Variants in CAMTA1 observed in about 807,000 individuals in gnomAD.
The protein encoded by CAMTA1 is calmodulin-binding transcription activator 1.
Under a neutral mutation model 170.9 loss-of-function variants are expected in CAMTA1, and 27 were observed. That is an observed-to-expected ratio of 0.16 (90% CI 0.12 to 0.22). The LOEUF is 0.22. CAMTA1 is among the 10% of genes least tolerant of loss of function. The probability of loss-of-function intolerance (pLI) is 1.00; values close to 1 mark genes in which losing one functional copy is unlikely to be tolerated. For synonymous variants in CAMTA1, 833 were observed against 891.5 expected (o/e 0.93, Z 1.17); for missense variants, 1,619 against 2,217.2 (o/e 0.73, Z 5.42).
chr1:6,995,873 A>C (rs908037663), intron 3 of CAMTA1, among the ~76,000 whole-genome samples: 37 of 152,324 alleles, frequency 2.4e-4, no homozygotes, highest in African/African-American at 8.7e-4. Context: ...GACAGGCATA[A>C]GACTGGCTAG....
chr1:7,169,744 G>A (rs1183990266), intron 4 of CAMTA1, among the ~76,000 whole-genome samples: 1 of 152,150 alleles, frequency 6.6e-6, no homozygotes, highest in Non-Finnish European at 1.5e-5. Flanking sequence ...ACTCCTGACT[G>A]GACTTGAGCT....
intron 6 of CAMTA1, among the ~76,000 whole-genome samples, chr1:7,528,951 C>T (rs2094460993): frequency 1.3e-5 from 2 of 152,042 alleles, no homozygotes; most frequent in Admixed American, 1.3e-4. Flanking sequence ...AACTCCTGCA[C>T]AGGGTTGGTG....
intron 3 of CAMTA1, among the ~76,000 whole-genome samples, chr1:7,009,755 A>G (rs1345337326): frequency 6.6e-6 from 1 of 152,170 alleles, no homozygotes; most frequent in Admixed American, 6.5e-5. Flanking sequence ...GTCCGTGCAG[A>G]GCCTCTAAGG....
intron 4 of CAMTA1, among the ~76,000 whole-genome samples, chr1:7,217,985 A>G (rs1660056184): frequency 6.6e-6 from 1 of 152,222 alleles, no homozygotes; most frequent in Admixed American, 6.5e-5. Context: ...TTAATTTTCT[A>G]GAAGATTCCT....
chr1:7,485,716 G>A (rs574855501), intron 6 of CAMTA1, among the ~76,000 whole-genome samples: 1 of 152,338 alleles, frequency 6.6e-6, no homozygotes, highest in East Asian at 1.9e-4. Flanking sequence ...CCGGCCCAGT[G>A]CCTTGCTTTG....
chr1:7,006,747 C>A (rs1297681222), intron 3 of CAMTA1, among the ~76,000 whole-genome samples: 2 of 152,180 alleles, frequency 1.3e-5, no homozygotes, highest in Non-Finnish European at 2.9e-5. Context: ...AACCCAGAGC[C>A]TCTGAGGGCT....
intron 6 of CAMTA1, among the ~76,000 whole-genome samples, chr1:7,516,983 C>G (rs1227296775): frequency 6.6e-6 from 1 of 152,090 alleles, no homozygotes; most frequent in Non-Finnish European, 1.5e-5. Flanking sequence ...CGTGTGAAAT[C>G]CCACCTTCCA....
intron 5 of CAMTA1, among the ~76,000 whole-genome samples, chr1:7,287,400 C>T (rs1400994377): frequency 6.6e-6 from 1 of 152,236 alleles, no homozygotes; most frequent in Non-Finnish European, 1.5e-5. Flanking sequence ...CTCTGAGCAT[C>T]ACATTCTCAT....
At chr1:7,419,066 A>G (rs2091389806) in intron 5 of CAMTA1, among the ~76,000 whole-genome samples, 1 of 152,122 alleles carries the variant, frequency 6.6e-6, no homozygotes, top group African/African-American at 2.4e-5. Context: ...TCCACCTTCC[A>G]TCCCATGTTG....
At chr1:7,709,727 G>C (rs2096554687) in intron 11 of CAMTA1, among the ~76,000 whole-genome samples, 1 of 152,232 alleles carries the variant, frequency 6.6e-6, no homozygotes, top group Middle Eastern at 3.4e-3. Context: ...GGGTGTTTCA[G>C]CTCTACCATT....
chr1:7,714,323 A>G (rs902701186), intron 11 of CAMTA1, among the ~76,000 whole-genome samples: 2 of 152,336 alleles, frequency 1.3e-5, no homozygotes, highest in Non-Finnish European at 2.9e-5. Context: ...AGAAATCAGC[A>G]TGTATTCCTC....
In CAMTA1 at chr1:7,561,684, AGGC is replaced by A; in HGVS notation, c.511-78715_511-78713del. Among the ~76,000 whole-genome samples, 1 of 151,944 alleles carries A rather than the reference AGGC, an allele frequency of 6.6e-6. No individual in the cohort carries two copies. The highest frequency in any genetic ancestry group is 1.5e-5 in the Non-Finnish European group (1 of 67,938). ...GGCAAGGCTCCATGATGCCCGTCAG[AGGC>A]CACCCCTCCCCAGCCCCCTAGGCCA... is the stretch of plus-strand genomic sequence containing the variant. On this transcript the variant is annotated intron_variant, in intron 6 of 22. Transcript: ENST00000303635. This position sits in a 1 kb window ranked among gnomAD's most constrained non-coding sequence, Gnocchi z 5.3.
intron 5 of CAMTA1, among the ~76,000 whole-genome samples, chr1:7,411,926 A>C (rs2090800635): frequency 9.5e-6 from 1 of 105,796 alleles, no homozygotes; most frequent in Non-Finnish European, 1.8e-5. Flanking sequence ...ACCCCACAAC[A>C]GTCCTCGGAG....
chr1:7,281,813 G>GTGTA (rs1369042055), intron 5 of CAMTA1, among the ~76,000 whole-genome samples: 1 of 149,936 alleles, frequency 6.7e-6, no homozygotes, highest in Non-Finnish European at 1.5e-5. Flanking sequence ...GTGTGTGTGT[G>GTGTA]TGTGTGTGTG....
chr1:7,516,270 A>T (rs1207821199), intron 6 of CAMTA1, among the ~76,000 whole-genome samples: 4 of 152,240 alleles, frequency 2.6e-5, no homozygotes, highest in African/African-American at 9.6e-5. Flanking sequence ...TTAGATGCTT[A>T]ATTAGTGTGG....
intron 4 of CAMTA1, among the ~76,000 whole-genome samples, chr1:7,186,876 A>G (rs1653401552): frequency 6.6e-6 from 1 of 152,070 alleles, no homozygotes; most frequent in Non-Finnish European, 1.5e-5. Context: ...TTTCCTGGTG[A>G]GGTGCAGTTC....
rs200993594 is a variant in CAMTA1 at position 7,177,776 on chromosome 1, A to T, written c.303-71715A>T. Among the ~76,000 whole-genome samples, 6 of 149,722 alleles carry T rather than the reference A, an allele frequency of 4.0e-5. No homozygotes were observed. In the East Asian group the frequency reaches 1.2e-3, roughly 30 times the overall value. ...CATGTCAAAGCCCTGCCCACACGCCAAGGCTCCTCCCTACACACAGAGGCT... is the reference window on the plus strand; with the variant it reads ...CATGTCAAAGCCCTGCCCACACGCCTAGGCTCCTCCCTACACACAGAGGCT... On this transcript the variant is annotated intron_variant, in intron 4 of 22. Transcript: ENST00000303635.
intron 1 of CAMTA1, among the ~76,000 whole-genome samples, chr1:6,806,118 A>G (rs1249475647): frequency 1.3e-5 from 2 of 152,176 alleles, no homozygotes; most frequent in Non-Finnish European, 2.9e-5. Context: ...TGAAAAGACC[A>G]TTCTTTCCTC....
chr1:7,606,049 A>C (rs990174791), intron 6 of CAMTA1, among the ~76,000 whole-genome samples: 1 of 152,190 alleles, frequency 6.6e-6, no homozygotes, highest in Non-Finnish European at 1.5e-5. Flanking sequence ...CCCCTGAGTC[A>C]TGTGATCCAA....
Sources: gnomAD v4.1 joint callset for allele counts (sites outside exome capture counted in the v4.1 genomes callset) on GRCh38, gnomAD v4.1.1 for gene constraint, Gnocchi (gnomAD v3.1) non-coding constraint, MANE v1.5 for transcripts, NCBI Gene and HGNC (gene_info 2026-07-23, HGNC 2026-07-21) for gene names.